PTPRT: variants seen among roughly 807,000 people sequenced by gnomAD.
PTPRT encodes receptor-type tyrosine-protein phosphatase T.
In PTPRT, 56 loss-of-function variants were observed where a neutral mutation model predicts 176.8. The observed-to-expected ratio is 0.32, with a 90% CI of 0.26 to 0.40. PTPRT has a LOEUF of 0.40. Ranked by LOEUF, PTPRT falls within the 10% of genes least tolerant of loss-of-function variation. The probability of loss-of-function intolerance (pLI) is 1.00; values close to 1 mark genes in which losing one functional copy is unlikely to be tolerated. For synonymous variants in PTPRT, 783 were observed against 739.0 expected (o/e 1.06, Z -0.96); for missense variants, 1,540 against 1,908.2 (o/e 0.81, Z 3.60).
chr20:42,532,566 T>C (rs2072403290), intron 7 of PTPRT, among the ~76,000 whole-genome samples: 2 of 152,186 alleles, frequency 1.3e-5, no homozygotes, highest in South Asian at 4.1e-4. Flanking sequence ...CATGACTTGT[T>C]AACTTTTAAA....
At chr20:42,520,653 C>T (rs1454303700) in intron 7 of PTPRT, among the ~76,000 whole-genome samples, 2 of 152,002 alleles carry the variant, frequency 1.3e-5, no homozygotes, top group Non-Finnish European at 1.5e-5. Context: ...TTCTCTGCCC[C>T]AGCTCTGAGA....
intron 13 of PTPRT, among the ~76,000 whole-genome samples, chr20:42,275,079 T>C (rs1028675262): frequency 6.6e-6 from 1 of 152,236 alleles, no homozygotes; most frequent in African/African-American, 2.4e-5. Flanking sequence ...GTAATAACGA[T>C]GACCACTATT....
chr20:43,011,359 T>C (rs553127099), intron 1 of PTPRT, among the ~76,000 whole-genome samples: 1 of 152,146 alleles, frequency 6.6e-6, no homozygotes, highest in African/African-American at 2.4e-5. Flanking sequence ...TTTTTAACAG[T>C]GGAATTTAAA....
intron 7 of PTPRT, among the ~76,000 whole-genome samples, chr20:42,514,211 GC>G (rs1315311407): frequency 2.0e-5 from 3 of 152,158 alleles, no homozygotes; most frequent in Non-Finnish European, 4.4e-5. Context: ...GCCAATGTTT[GC>G]CTGAAGTGGC....
chr20:43,124,780 C>T (rs2013381497), intron 1 of PTPRT, among the ~76,000 whole-genome samples: 2 of 152,114 alleles, frequency 1.3e-5, no homozygotes, highest in Non-Finnish European at 1.5e-5. Flanking sequence ...GAACCATAAA[C>T]AATACATGAC....
the PTPRT span, among the ~76,000 whole-genome samples, chr20:42,034,838 T>TA: frequency 7.9e-5 from 12 of 152,246 alleles, no homozygotes; most frequent in South Asian, 2.1e-4. Context: ...CTCATTGTGT[T>TA]AAAAAAAGTG....
intron 1 of PTPRT, among the ~76,000 whole-genome samples, chr20:42,902,224 C>CA (rs1182729770): frequency 1.3e-5 from 2 of 151,936 alleles, no homozygotes; most frequent in South Asian, 4.1e-4. Flanking sequence ...TCAGAGGAAA[C>CA]AAAAAAAGGA....
chr20:42,827,900 A>G (rs2078023185), intron 2 of PTPRT, among the ~76,000 whole-genome samples: 1 of 152,222 alleles, frequency 6.6e-6, no homozygotes, highest in South Asian at 2.1e-4. Context: ...TCAACTAAAC[A>G]TCTTTGCTTT....
chr20:42,353,082 G>A (rs985648077), intron 9 of PTPRT, among the ~76,000 whole-genome samples: 4 of 152,174 alleles, frequency 2.6e-5, no homozygotes, highest in Admixed American at 6.5e-5. Context: ...TTACAAATAT[G>A]TCTTTTACCC....
At chr20:42,473,760 C>A (rs1301820787) in intron 7 of PTPRT, among the ~76,000 whole-genome samples, 2 of 152,176 alleles carry the variant, frequency 1.3e-5, no homozygotes, top group East Asian at 3.9e-4. Context: ...CAGGCACCAT[C>A]CACCATGCCT....
At chr20:43,171,759 A>G (rs1182950187) in intron 1 of PTPRT, among the ~76,000 whole-genome samples, 1 of 152,200 alleles carries the variant, frequency 6.6e-6, no homozygotes, top group Non-Finnish European at 1.5e-5. Flanking sequence ...GCATTTCTGA[A>G]AAGTTCCCAG....
intron 7 of PTPRT, among the ~76,000 whole-genome samples, chr20:42,635,513 C>T (rs1441148273): frequency 6.6e-6 from 1 of 152,022 alleles, no homozygotes; most frequent in Non-Finnish European, 1.5e-5. Flanking sequence ...ATATTTTTCT[C>T]CCATGTGCAA....
chr20:42,389,829 T>C (rs997237532), intron 9 of PTPRT, among the ~76,000 whole-genome samples: 2 of 134,666 alleles, frequency 1.5e-5, no homozygotes, highest in Non-Finnish European at 3.1e-5. Flanking sequence ...CATTCCAGCC[T>C]GGGAAACAGA....
Position 42,085,898 on chromosome 20 carries a change from G to C in PTPRT, c.3847-45C>G, listed in dbSNP as rs757035068. The C allele has an allele frequency of 4.5e-6, 7 of 1,553,318 alleles. No individual in the cohort carries two copies. The Admixed American group carries it at 1.1e-4, about 25-fold the overall frequency. On this transcript the variant is annotated intron_variant, in intron 27 of 30. Transcript: ENST00000373187. ...CACAGAAGGAGCTCAAAGGCAGGGG[G>C]CGGGTATCAAAGTCTCATTTATCAA...
At chr20:42,632,445 G>A (rs566339935) in intron 7 of PTPRT, among the ~76,000 whole-genome samples, 24 of 151,868 alleles carry the variant, frequency 1.6e-4, no homozygotes, top group African/African-American at 4.8e-4. Flanking sequence ...GGCTGGTCTC[G>A]AACTCCTGAC....
At chr20:43,127,693 G>A (rs1284949402) in intron 1 of PTPRT, among the ~76,000 whole-genome samples, 1 of 152,176 alleles carries the variant, frequency 6.6e-6, no homozygotes, top group Non-Finnish European at 1.5e-5. Flanking sequence ...ATGTTAAAGA[G>A]CCCAGGTTGG....
chr20:43,075,121 C>A (rs1325040441), intron 1 of PTPRT, among the ~76,000 whole-genome samples: 2 of 152,200 alleles, frequency 1.3e-5, no homozygotes, highest in Non-Finnish European at 2.9e-5. Context: ...TGCTTTCCGG[C>A]ACTAAACAGC....
chr20:42,413,542 ATT>A (rs1364495201), intron 9 of PTPRT, among the ~76,000 whole-genome samples: 2 of 152,218 alleles, frequency 1.3e-5, no homozygotes, highest in South Asian at 2.1e-4. Context: ...TAAATTAAAT[ATT>A]GTTACTTGAG....
chr20:42,052,083 C>T, the PTPRT span, among the ~76,000 whole-genome samples: 2 of 152,184 alleles, frequency 1.3e-5, no homozygotes, highest in African/African-American at 2.4e-5. Context: ...AGTTTGCTTC[C>T]GGACATCTGG....
Sources: allele counts gnomAD v4.1 joint callset (sites outside exome capture counted in the v4.1 genomes callset), GRCh38; gene constraint gnomAD v4.1.1; transcripts MANE v1.5; gene names NCBI Gene and HGNC (gene_info 2026-07-23, HGNC 2026-07-21).